Variants in USP34 observed in about 807,000 individuals in gnomAD.
The protein encoded by USP34 is ubiquitin specific peptidase 34, also known as ubiquitin carboxyl-terminal hydrolase 34.
USP34 carries 70 observed loss-of-function variants against 460.3 expected under a neutral mutation model. That is an observed-to-expected ratio of 0.15 (90% confidence interval 0.13 to 0.19). USP34 has a LOEUF of 0.19. Among genes scored for constraint, USP34 ranks in the 10% least tolerant of loss-of-function variants. USP34 has a pLI of 1.00. For missense variants in USP34, 3,985 were observed against 4,236.2 expected (o/e 0.94, Z 1.65); for synonymous variants, 1,647 against 1,405.3 (o/e 1.17, Z -3.85).
At chr2:61,425,807 A>G (rs1318967693) in intron 1 of USP34, among the ~76,000 whole-genome samples, 3 of 152,104 alleles carry the variant, frequency 2.0e-5, no homozygotes, top group African/African-American at 4.8e-5. Context: ...GGGGCAGCCA[A>G]TGGAGTGCTG....
At position 61,248,530 on chromosome 2, in the gene USP34, T is replaced by C. The variant is rs776427114; in HGVS notation, c.6375A>G (p.Gly2125=). The C allele has an allele frequency of 6.4e-7, 1 of 1,569,408 alleles. No individual in the cohort carries two copies. Among genetic ancestry groups the C allele is most frequent in the South Asian group, 1.2e-5 (1 of 83,854 alleles). ...AATCACCTTCTTTCCTCTCACTCTTTCCCATAAGAAAATCTTCTGTATAGG... is the reference window on the plus strand; with the variant it reads ...AATCACCTTCTTTCCTCTCACTCTTCCCCATAAGAAAATCTTCTGTATAGG... The part of the protein sequence containing the change: ...MTPYTEDFLM[G]KSERKEGFKE... Residue 2125 remains glycine (G), a synonymous_variant, in exon 49 of 80, where the codon GGA becomes GGG. Coordinates refer to ENST00000398571, the MANE Select transcript of USP34 (RefSeq NM_014709.4).
intron 37 of USP34, among the ~76,000 whole-genome samples, chr2:61,282,817 C>A (rs891242956): frequency 1.3e-5 from 2 of 151,704 alleles, no homozygotes; most frequent in African/African-American, 4.8e-5. Context: ...AAAAAAAAGG[C>A]CACAGAACTT....
chr2:61,388,764 A>AATATATAT (rs56090495), intron 5 of USP34, among the ~76,000 whole-genome samples: 12 of 149,122 alleles, frequency 8.0e-5, no homozygotes, highest in Admixed American at 2.0e-4. Flanking sequence ...TCAGAAAAAG[A>AATATATAT]ATATATATAT....
chr2:61,202,877 T>C (rs959269171), intron 75 of USP34, among the ~76,000 whole-genome samples: 1 of 152,106 alleles, frequency 6.6e-6, no homozygotes, highest in Non-Finnish European at 1.5e-5. Flanking sequence ...GTGGAGGATG[T>C]GGGCTTCTAT....
intron 22 of USP34, among the ~76,000 whole-genome samples, chr2:61,318,519 G>T (rs1000731763): frequency 6.6e-6 from 1 of 152,132 alleles, no homozygotes; most frequent in African/African-American, 2.4e-5. Flanking sequence ...CCAACATGGA[G>T]ATAACGTCAC....
chr2:61,335,472 A>G (rs1254950093), intron 18 of USP34, among the ~76,000 whole-genome samples: 2 of 152,220 alleles, frequency 1.3e-5, no homozygotes, highest in African/African-American at 4.8e-5. Context: ...CTCAATGGCC[A>G]ACGCATAATG....
At chr2:61,193,261 A>G (rs1030069958) in intron 75 of USP34, 1 of 214,972 alleles carries the variant, frequency 4.7e-6, no homozygotes, top group African/African-American at 2.3e-5. Context: ...GAAAAGAAAA[A>G]GTTACTGCAA....
intron 61 of USP34, 112 bp from the exon 62 acceptor site, chr2:61,227,330 A>G (rs1687755825): frequency 1.7e-6 from 2 of 1,203,992 alleles, no homozygotes; most frequent in African/African-American, 1.6e-5. Flanking sequence ...TTGTAACATG[A>G]AAAACAACTG....
intron 70 of USP34, chr2:61,207,382 T>C (rs1687150368): frequency 6.5e-6 from 1 of 153,258 alleles, no homozygotes; most frequent in African/African-American, 2.4e-5. Context: ...CCTTTAACTG[T>C]ATTAGCTTAA....
intron 1 of USP34, among the ~76,000 whole-genome samples, chr2:61,446,130 A>C (rs996571425): frequency 6.6e-6 from 1 of 151,552 alleles, no homozygotes; most frequent in African/African-American, 2.4e-5. Flanking sequence ...AAAAAAAAAA[A>C]AAAACTAAAC....
chr2:61,418,476 T>G (rs1158888624), intron 2 of USP34, among the ~76,000 whole-genome samples: 1 of 152,214 alleles, frequency 6.6e-6, no homozygotes, highest in Non-Finnish European at 1.5e-5. Flanking sequence ...TTACGAAAGC[T>G]TTTTCCCTCT....
At chr2:61,464,343 A>C (rs1026689300) in intron 1 of USP34, among the ~76,000 whole-genome samples, 2 of 152,104 alleles carry the variant, frequency 1.3e-5, no homozygotes, top group Non-Finnish European at 2.9e-5. Flanking sequence ...CAACAAAATA[A>C]ACACAACAGA....
chr2:61,259,625 AT>A, intron 44 of USP34, 85 bp downstream of exon 44: 1 of 1,234,478 alleles, frequency 8.1e-7, no homozygotes, highest in East Asian at 2.4e-5. Context: ...AACTCAAGCC[AT>A]CCACCCACCT....
In USP34 at chr2:61,277,199, C is replaced by G. The variant is rs375776289; in HGVS notation, c.5433+966G>C. Reference sequence around the variant, plus strand: ...GTTTAGGACAGTAATTCAAAATATACAATTCTATAGAAAGCACACTGATAA... The same window carrying G: ...GTTTAGGACAGTAATTCAAAATATAGAATTCTATAGAAAGCACACTGATAA... On this transcript the variant is annotated intron_variant, in intron 41 of 79. Coordinates refer to ENST00000398571, the MANE Select transcript of USP34 (RefSeq NM_014709.4). Among the ~76,000 whole-genome samples, 47 of 151,084 alleles carry G rather than the reference C, an allele frequency of 3.1e-4. No individual in the cohort carries two copies. The East Asian group carries it at 8.7e-3, about 28-fold the overall frequency.
intron 51 of USP34, among the ~76,000 whole-genome samples, chr2:61,244,497 C>T (rs1023803072): frequency 1.3e-5 from 2 of 151,956 alleles, no homozygotes; most frequent in African/African-American, 2.4e-5. Context: ...TACCTGTAAT[C>T]CCAGCTACTC....
chr2:61,374,157 G>C (rs1448066276), intron 8 of USP34, among the ~76,000 whole-genome samples: 4 of 68,174 alleles, frequency 5.9e-5, no homozygotes, highest in Non-Finnish European at 1.2e-4. Context: ...CTCCATCTCA[G>C]GGAAAAAAAA....
chr2:61,408,206 CAT>C (rs1444848486), intron 2 of USP34, among the ~76,000 whole-genome samples: 3 of 152,168 alleles, frequency 2.0e-5, no homozygotes, highest in Non-Finnish European at 2.9e-5. Context: ...TCCAGCCCCA[CAT>C]GAGCTTTTTA....
intron 27 of USP34, among the ~76,000 whole-genome samples, chr2:61,307,493 A>G (rs963880552): frequency 6.6e-6 from 1 of 152,160 alleles, no homozygotes; most frequent in African/African-American, 2.4e-5. Flanking sequence ...TTGGATGTTA[A>G]TAAGGACTCA....
intron 67 of USP34, among the ~76,000 whole-genome samples, chr2:61,215,344 AAG>A (rs1687366860): frequency 6.6e-6 from 1 of 152,218 alleles, no homozygotes; most frequent in African/African-American, 2.4e-5. Context: ...GTTATAAAGA[AAG>A]AATGAGATAT....
Sources: allele counts gnomAD v4.1 joint callset (sites outside exome capture counted in the v4.1 genomes callset), GRCh38; gene constraint gnomAD v4.1.1; transcripts MANE v1.5; gene names NCBI Gene and HGNC (gene_info 2026-07-23, HGNC 2026-07-21).